RAD9B: variants seen among roughly 807,000 people sequenced by gnomAD.
The protein encoded by RAD9B is RAD9 checkpoint clamp component B, also known as cell cycle checkpoint control protein RAD9B.
RAD9B carries 41 observed loss-of-function variants against 48.3 expected under a neutral mutation model. The ratio of observed to expected loss-of-function variants is 0.85; its 90% CI spans 0.66 to 1.10. The LOEUF is 1.10. Among genes scored for constraint, RAD9B ranks in the 50% least tolerant of loss-of-function variants. The pLI, the probability that RAD9B is intolerant of heterozygous loss-of-function variation, is 0.00. For missense variants in RAD9B, 444 were observed against 485.1 expected, an observed-to-expected ratio of 0.92 and a Z score of 0.80; for synonymous variants, 160 against 157.9, an observed-to-expected ratio of 1.01 and a Z score of -0.10.
At chr12:110,516,022 G>A (rs1337683811) in intron 6 of RAD9B, among the ~76,000 whole-genome samples, 1 of 151,652 alleles carries the variant, frequency 6.6e-6, no homozygotes, top group African/African-American at 2.4e-5. Flanking sequence ...TCACTTGAGG[G>A]GAGTTACCAG....
intron 2 of RAD9B, among the ~76,000 whole-genome samples, chr12:110,504,916 G>A (rs1182088074): frequency 6.6e-6 from 1 of 151,984 alleles, no homozygotes; most frequent in Non-Finnish European, 1.5e-5. Flanking sequence ...GAGGAGGGAG[G>A]ATTGGTTGAG....
rs1159437192 is a variant in RAD9B, at chr12:110,506,643, T to C, written c.338T>C (p.Phe113Ser). The C allele has an allele frequency of 6.2e-7, 1 of 1,605,104 alleles. No individual in the cohort carries two copies. Among genetic ancestry groups the C allele is most frequent in the Admixed American group, 1.7e-5 (1 of 59,910 alleles). ...AGAAATATAGAGAAGTGCAGAATAT[T>C]CACCAGATCTGATAAATGCAAAGTA... is the stretch of plus-strand genomic sequence containing the variant. Reference protein sequence around the residue: ...LERNIEKCRIFTRSDKCKVVI... With the variant: ...LERNIEKCRISTRSDKCKVVI... Residue 113 changes from phenylalanine (F) to serine (S), a missense_variant, in exon 4 of 11, where the codon TTC becomes TCC. By Grantham distance (155) the Phe-to-Ser change is radical. Transcript: ENST00000409300.
intron 3 of RAD9B, 131 bp from the exon 4 acceptor site, chr12:110,506,448 A>G (rs2063272216): frequency 7.3e-6 from 4 of 546,378 alleles, no homozygotes; most frequent in African/African-American, 2.0e-5. Context: ...TCGGCCTCCC[A>G]AAGTGCTGGG....
At chr12:110,508,614 G>A (rs909429346) in intron 4 of RAD9B, among the ~76,000 whole-genome samples, 1 of 152,140 alleles carries the variant, frequency 6.6e-6, no homozygotes, top group Non-Finnish European at 1.5e-5. Flanking sequence ...TCACAGGCAT[G>A]GTTGTTTTTG....
In RAD9B at chr12:110,512,858, T is replaced by C. The variant is rs1004451740; in HGVS notation, c.468T>C (p.Asn156=). Reference sequence around the variant, plus strand: ...TTTTTGACAAGAATGTTTGTACTAATACGCTAATGATTCAACCAAGGTAAT... The same window carrying C: ...TTTTTGACAAGAATGTTTGTACTAACACGCTAATGATTCAACCAAGGTAAT... ...QVIFDKNVCT[N]TLMIQPRLLA... The change falls in exon 5 of 11, where the codon AAT becomes AAC. Residue 156 remains asparagine (N), a synonymous_variant. Transcript: ENST00000409300. The C allele has an allele frequency of 4.5e-6, 7 of 1,544,128 alleles. No individual in the cohort carries two copies. The African/African-American group carries it at 8.2e-5, about 18-fold the overall frequency.
intron 10 of RAD9B, among the ~76,000 whole-genome samples, chr12:110,526,174 A>G (rs2063931081): frequency 1.3e-5 from 2 of 152,244 alleles, no homozygotes; most frequent in Admixed American, 1.3e-4. Context: ...TAGAAGTTAT[A>G]CACAGCTCTC....
chr12:110,523,873 T>A (rs2063856087), intron 10 of RAD9B, among the ~76,000 whole-genome samples: 1 of 152,226 alleles, frequency 6.6e-6, no homozygotes, highest in African/African-American at 2.4e-5. Context: ...AGGGAATTAT[T>A]TGCCTTAATG....
intron 6 of RAD9B, among the ~76,000 whole-genome samples, chr12:110,515,687 G>A (rs541165166): frequency 6.6e-6 from 1 of 151,962 alleles, no homozygotes; most frequent in Admixed American, 6.6e-5. Flanking sequence ...AATTTGCTAC[G>A]GTCTTTTGGC....
intron 5 of RAD9B, among the ~76,000 whole-genome samples, chr12:110,513,854 G>T (rs982435672): frequency 6.6e-6 from 1 of 151,860 alleles, no homozygotes; most frequent in Non-Finnish European, 1.5e-5. Flanking sequence ...TTCCCGAGTA[G>T]CTGGGACTAC....
rs1231495148 is a variant in RAD9B, at chr12:110,531,415, C to A, written c.*762C>A. ...CCATGTTGGCCAGGGTGGTCTTGAA[C>A]TCCTGGCCTCAAGTGATCTGCCCAC... On this transcript the variant is annotated 3_prime_UTR_variant, in exon 11 of 11. Transcript: ENST00000409300. 9.0e-6 allele frequency: 5 copies of A among 558,260 alleles called. No homozygotes were observed. Among genetic ancestry groups the A allele is most frequent in the African/African-American group, 2.0e-5 (1 of 51,010 alleles). The allele number at this position is 558,260 out of a possible 1,614,324, so 34.6% of individuals were successfully genotyped here.
Position 110,505,737 on chromosome 12 carries a change from A to T in RAD9B, c.238A>T (p.Thr80Ser). The T allele has an allele frequency of 1.2e-6, 2 of 1,612,052 alleles. No homozygotes were observed. Among genetic ancestry groups the T allele is most frequent in the Non-Finnish European group, 1.7e-6 (2 of 1,179,076 alleles). ...GAAAATGAGTGAAAATGAACTTGAC[A>T]CAACACTGCATTTAAAATGCAAATT... Reference protein sequence around the residue: ...LVKMSENELDTTLHLKCKLGM... With the variant: ...LVKMSENELDSTLHLKCKLGM... Residue 80 changes from threonine (T) to serine (S), a missense_variant, in exon 3 of 11, where the codon ACA becomes TCA. Physicochemically the swap from Thr to Ser is moderately conservative, Grantham distance 58. Transcript: ENST00000409300.
intron 10 of RAD9B, among the ~76,000 whole-genome samples, chr12:110,525,507 CTA>C (rs886076749): frequency 7.9e-5 from 12 of 152,114 alleles, no homozygotes; most frequent in Non-Finnish European, 7.3e-5. Context: ...TCAATTTAAA[CTA>C]TGTATTTTTG....
At chr12:110,523,226 C>T (rs143092426) in intron 10 of RAD9B, among the ~76,000 whole-genome samples, 2,955 of 152,112 alleles carry the variant, frequency 0.019, 41 homozygotes, top group Middle Eastern at 0.082. Flanking sequence ...TCTTGAGCTA[C>T]GAGTTCAAGA....
Position 110,522,315 on chromosome 12 carries a change from C to T in RAD9B, c.1029C>T (p.Ser343=), listed in dbSNP as rs1258527649. Residue 343 remains serine (S), a synonymous_variant, in exon 10 of 11, where the codon AGC becomes AGT. Transcript: ENST00000409300. ...TATCTGCATTGGAAAACTGTGGCAG[C>T]CCTGCAATGAAAAGAGTGGATGGAG... is the stretch of plus-strand genomic sequence containing the variant. ...TNISALENCG[S]PAMKRVDGDV... 2 of 1,613,612 alleles carry T rather than the reference C, an allele frequency of 1.2e-6. No individual in the cohort carries two copies. The highest frequency in any genetic ancestry group is 1.7e-6 in the Non-Finnish European group (2 of 1,179,782).
chr12:110,520,559 C>T (rs1408238483), intron 9 of RAD9B, among the ~76,000 whole-genome samples: 1 of 145,334 alleles, frequency 6.9e-6, no homozygotes, highest in African/African-American at 2.5e-5. Flanking sequence ...AGTGTTTTCA[C>T]AGGAAAGTCT....
chr12:110,506,055 T>C (rs2063253847), intron 3 of RAD9B, among the ~76,000 whole-genome samples: 1 of 152,000 alleles, frequency 6.6e-6, no homozygotes, highest in Admixed American at 6.6e-5. Flanking sequence ...TGGCTAATTT[T>C]TGTGTTTTTA....
At chr12:110,519,292 C>T (rs1489454329) in intron 8 of RAD9B, among the ~76,000 whole-genome samples, 2 of 151,802 alleles carry the variant, frequency 1.3e-5, no homozygotes, top group South Asian at 2.1e-4. Context: ...TTGGTAGAGA[C>T]GGGGTTTCAC....
chr12:110,525,926 G>A (rs1419671634), intron 10 of RAD9B, among the ~76,000 whole-genome samples: 3 of 151,942 alleles, frequency 2.0e-5, no homozygotes, highest in Admixed American at 6.5e-5. Context: ...TCCTGACCTC[G>A]TGATCCACCC....
intron 10 of RAD9B, among the ~76,000 whole-genome samples, chr12:110,528,908 A>G (rs1385274711): frequency 6.6e-6 from 1 of 151,542 alleles, no homozygotes; most frequent in Non-Finnish European, 1.5e-5. Context: ...TTTGTATTTT[A>G]GTAGAGACAG....
Sources: gnomAD v4.1 joint callset for allele counts (sites outside exome capture counted in the v4.1 genomes callset) on GRCh38, gnomAD v4.1.1 for gene constraint, MANE v1.5 for transcripts, NCBI Gene and HGNC (gene_info 2026-07-23, HGNC 2026-07-21) for gene names.